LRRC56: variants seen among roughly 807,000 people sequenced by gnomAD.
LRRC56 encodes the protein leucine rich repeat containing 56.
LRRC56 carries 41 observed loss-of-function variants against 47.8 expected under a neutral mutation model. The ratio of observed to expected loss-of-function variants is 0.86; its 90% CI spans 0.67 to 1.11. The LOEUF (loss-of-function observed/expected upper bound fraction) is 1.11. LRRC56 is among the 50% of genes most tolerant of loss of function. The pLI, the probability that LRRC56 is intolerant of heterozygous loss-of-function variation, is 0.00. For synonymous variants in LRRC56, 387 were observed against 311.2 expected (o/e 1.24, Z -2.56); for missense variants, 759 against 704.2 (o/e 1.08, Z -0.88).
At chr11:534,782 C>T (rs1851354966), upstream of LRRC56, among the ~76,000 whole-genome samples, 1 of 152,326 alleles carries the variant, frequency 6.6e-6, no homozygotes, top group East Asian at 1.9e-4. Context: ...TGCCAGCCTG[C>T]AGGCCCCGCG....
chr11:518,013 A>T, the LRRC56 span, among the ~76,000 whole-genome samples: 1 of 152,154 alleles, frequency 6.6e-6, no homozygotes, highest in Non-Finnish European at 1.5e-5. Flanking sequence ...TCAACTACCC[A>T]GGGACACAAA....
chr11:537,055 G>T (rs973712193), upstream of LRRC56: 3 of 152,276 alleles, frequency 2.0e-5, no homozygotes, highest in Non-Finnish European at 4.4e-5. Context: ...CCTCGGGGGC[G>T]CTTCCCCCGG....
At position 554,284 on chromosome 11, in the gene LRRC56, C is replaced by G; in HGVS notation, c.*8C>G. ...AGCCCCGTCCCCACTTAATATAGCC[C>G]CCACTGCCAGGCTTCCCTGTGCTGG... On this transcript the variant is annotated 3_prime_UTR_variant, in exon 14 of 14. Transcript: ENST00000270115. 1 of 1,478,630 alleles carries G rather than the reference C, an allele frequency of 6.8e-7. No homozygotes were observed. Among genetic ancestry groups the G allele is most frequent in the Non-Finnish European group, 8.9e-7 (1 of 1,118,620 alleles). 91.6% of individuals were successfully genotyped at this position (1,478,630 alleles called of 1,614,324 possible).
chr11:554,469 T>G lies in LRRC56; in HGVS notation c.*193T>G. On this transcript the variant is annotated 3_prime_UTR_variant, in exon 14 of 14. Transcript: ENST00000270115. The stretch of plus-strand genomic sequence containing the variant: ...AGGCAGCAGAGGCTGGAACCCAGTT[T>G]AGGCCCCCAACTGGGTTTGGCCTGG... The G allele has an allele frequency of 2.1e-6, 1 of 475,078 alleles. No homozygotes were observed. The highest frequency in any genetic ancestry group is 3.5e-6 in the Non-Finnish European group (1 of 283,142). 29.4% of individuals were successfully genotyped at this position (475,078 alleles called of 1,614,324 possible).
At chr11:551,343 G>A in intron 9 of LRRC56, 41 bp downstream of exon 9, 2 of 1,404,450 alleles carry the variant, frequency 1.4e-6, no homozygotes, top group Non-Finnish European at 1.9e-6. Context: ...CTGAGCCCCA[G>A]CTCCCCCCAG....
intron 13 of LRRC56, 64 bp from the exon 14 acceptor site, chr11:553,899 C>T (rs994111353): frequency 6.7e-7 from 1 of 1,502,446 alleles, no homozygotes; most frequent in African/African-American, 1.4e-5. Context: ...CTGTGGCCTC[C>T]CCACCGGGTG....
the LRRC56 span, among the ~76,000 whole-genome samples, chr11:514,304 T>G: frequency 6.6e-6 from 1 of 151,688 alleles, no homozygotes; most frequent in Admixed American, 6.6e-5. Context: ...ATTTTTTTTT[T>G]GAGACGAGGT....
At chr11:544,078 T>G (rs1851946754) in intron 5 of LRRC56, among the ~76,000 whole-genome samples, 1 of 152,226 alleles carries the variant, frequency 6.6e-6, no homozygotes, top group South Asian at 2.1e-4. Flanking sequence ...ATGCAGGGAT[T>G]CTGTCTGCCT....
At chr11:540,013 T>C (rs574925317) in intron 3 of LRRC56, among the ~76,000 whole-genome samples, 30 of 152,318 alleles carry the variant, frequency 2.0e-4, no homozygotes, top group African/African-American at 6.5e-4. Context: ...TGCTCACCTC[T>C]AGGTGCTGTG....
At chr11:526,286 A>G in the LRRC56 span, among the ~76,000 whole-genome samples, 1 of 152,232 alleles carries the variant, frequency 6.6e-6, no homozygotes, top group Non-Finnish European at 1.5e-5. Context: ...TGCAGCAGGC[A>G]CACAGCGCTA....
chr11:547,987 G>A (rs1438535081), intron 6 of LRRC56, among the ~76,000 whole-genome samples: 1 of 151,956 alleles, frequency 6.6e-6, no homozygotes, highest in African/African-American at 2.4e-5. Context: ...TTAGCCGGGT[G>A]TGGTGGCGGG....
the LRRC56 span, among the ~76,000 whole-genome samples, chr11:511,690 G>A: frequency 6.6e-6 from 1 of 152,190 alleles, no homozygotes; most frequent in African/African-American, 2.4e-5. Flanking sequence ...CTGGAGATCC[G>A]TGCTGATGTG....
At chr11:549,291 G>A (rs946731871) in intron 6 of LRRC56, among the ~76,000 whole-genome samples, 26 of 152,282 alleles carry the variant, frequency 1.7e-4, no homozygotes, top group African/African-American at 5.3e-4. Flanking sequence ...CTGAAGGGAC[G>A]GCCTCCCAGC....
upstream of LRRC56, chr11:533,315 TC>T: frequency 6.2e-7 from 1 of 1,602,338 alleles, no homozygotes. Context: ...TCCCGGGGGG[TC>T]CCAGAGGGTC....
At chr11:523,340 A>G in the LRRC56 span, among the ~76,000 whole-genome samples, 1 of 148,262 alleles carries the variant, frequency 6.7e-6, no homozygotes, top group Non-Finnish European at 1.5e-5. Flanking sequence ...AGTTTTAAAA[A>G]GCAATCTGGG....
the LRRC56 span, among the ~76,000 whole-genome samples, chr11:515,982 A>C: frequency 6.6e-6 from 1 of 152,156 alleles, no homozygotes; most frequent in African/African-American, 2.4e-5. Context: ...GCTTACACTT[A>C]TTTCAAAATC....
In LRRC56 at chr11:551,274, C is replaced by T; in HGVS notation, c.768C>T (p.Ile256=). ...SQDWLAVKEA[I]KKGNGLPPLD... is the part of the protein sequence containing the mutation. ...ACTGGCTTGCGGTGAAGGAGGCCAT[C>T]AAGAAGGGCAACGGCCTTCCCCCGC... The change falls in exon 9 of 14, where the codon ATC becomes ATT. Residue 256 remains isoleucine (I), a synonymous_variant. Transcript: ENST00000270115. The T allele has an allele frequency of 1.3e-6, 2 of 1,536,952 alleles. No individual in the cohort carries two copies. The highest frequency in any genetic ancestry group is 1.8e-6 in the Non-Finnish European group (2 of 1,137,060).
At chr11:518,947 C>CA in the LRRC56 span, among the ~76,000 whole-genome samples, 2 of 152,120 alleles carry the variant, frequency 1.3e-5, no homozygotes, top group African/African-American at 4.8e-5. Flanking sequence ...ACCCCGCCCC[C>CA]AAACCGAGGG....
chr11:535,271 C>G (rs1315245633), upstream of LRRC56: 1 of 135,302 alleles, frequency 7.4e-6, no homozygotes, highest in Admixed American at 7.6e-5. Context: ...GCCCGCGGGC[C>G]CCGCCCGGCC....
Sources: gnomAD v4.1 joint callset for allele counts (sites outside exome capture counted in the v4.1 genomes callset) on GRCh38, gnomAD v4.1.1 for gene constraint, MANE v1.5 for transcripts, NCBI Gene and HGNC (gene_info 2026-07-23, HGNC 2026-07-21) for gene names.